The following DAXX variants were observed in gnomAD, a reference collection of about 807,000 sequenced individuals.
DAXX encodes the protein death domain-associated protein 6.
A neutral mutation model predicts 61.9 loss-of-function variants in DAXX; 24 were observed. The ratio of observed to expected loss-of-function variants is 0.39; its 90% confidence interval spans 0.28 to 0.55. The LOEUF (loss-of-function observed/expected upper bound fraction) is 0.55, where lower values mean the gene tolerates loss of function less well. DAXX is among the 20% of genes least tolerant of loss of function. DAXX has a pLI of 0.69. For missense variants in DAXX, 819 were observed against 935.3 expected, an observed-to-expected ratio of 0.88 and a Z score of 1.62; for synonymous variants, 357 against 369.5, an observed-to-expected ratio of 0.97 and a Z score of 0.39.
In DAXX at chr6:33,321,772, T is replaced by A. The variant is rs2150999504; in HGVS notation, c.154A>T (p.Ser52Cys). Reference sequence around the variant, plus strand: ...TTGTAGCATTTCTTGCCGCCCGAACTACTGCTTCCTCTGGCCCCATGAGGC... The same window carrying A: ...TTGTAGCATTTCTTGCCGCCCGAACAACTGCTTCCTCTGGCCCCATGAGGC... The part of the protein sequence containing the change: ...SEPHGARGSS[S>C]SGGKKCYKLE... Residue 52 changes from serine (S) to cysteine (C), a missense_variant, in exon 2 of 8, where the codon AGT becomes TGT. Coordinates refer to ENST00000374542, the MANE Select transcript of DAXX (RefSeq NM_001141969.2). This position sits in a 1 kb window ranked among gnomAD's most constrained non-coding sequence, Gnocchi z 7.2. 2 of 1,613,266 alleles carry A rather than the reference T, an allele frequency of 1.2e-6. No homozygotes were observed. Among genetic ancestry groups the A allele is most frequent in the African/African-American group, 2.7e-5 (2 of 75,022 alleles).
Position 33,320,799 on chromosome 6 carries a change from C to T in DAXX, c.976G>A (p.Glu326Lys). 6.2e-7 allele frequency: 1 copy of T among 1,614,194 alleles called. No individual in the cohort carries two copies. Among genetic ancestry groups the T allele is most frequent in the Non-Finnish European group, 8.5e-7 (1 of 1,180,044 alleles). The part of the protein sequence containing the change: ...AFRDVGIRLQ[E>K]RRHLDLIYNF... ...TAGATGAGATCGAGGTGACGTCGCT[C>T]CTGTAACCTGATGCCCACATCTCGG... Residue 326 changes from glutamate (E) to lysine (K), a missense_variant, in exon 3 of 8, where the codon GAG becomes AAG. Physicochemically the swap from Glu to Lys is moderately conservative, Grantham distance 56. Coordinates refer to ENST00000374542, the MANE Select transcript of DAXX (RefSeq NM_001141969.2). The surrounding 1 kb of genome is among the most constrained non-coding windows in gnomAD (Gnocchi z 7.1).
Position 33,321,769 on chromosome 6 carries a change from A to C in DAXX, c.157T>G (p.Ser53Ala). 2 of 1,613,458 alleles carry C rather than the reference A, an allele frequency of 1.2e-6. No individual in the cohort carries two copies. Among genetic ancestry groups the C allele is most frequent in the Non-Finnish European group, 1.7e-6 (2 of 1,179,810 alleles). ...AGCTTGTAGCATTTCTTGCCGCCCG[A>C]ACTACTGCTTCCTCTGGCCCCATGA... is the stretch of plus-strand genomic sequence containing the variant. ...EPHGARGSSSSGGKKCYKLEN... is the reference protein window; with the variant it reads ...EPHGARGSSSAGGKKCYKLEN... The change falls in exon 2 of 8, where the codon TCG becomes GCG. Residue 53 changes from serine (S) to alanine (A), a missense_variant. Transcript: ENST00000374542. The surrounding 1 kb of genome is among the most constrained non-coding windows in gnomAD (Gnocchi z 7.2).
intron 1 of DAXX, 95 bp downstream of exon 1, chr6:33,322,766 CA>C (rs1770787149): frequency 1.8e-6 from 1 of 542,392 alleles, no homozygotes; most frequent in South Asian, 1.7e-5. Flanking sequence ...GAAGGTACCA[CA>C]GCTTTCCCCT....
In DAXX at chr6:33,321,547, C is replaced by T. The variant is rs1770618397; in HGVS notation, c.228G>A (p.Met76Ile). ...CCACCTCAGGGTGGTCTGCTGTCTG[C>T]ATCTTACAAAGTTCAAGGAACTAGA... ...LFEEFLELCK[M>I]QTADHPEVVP... Residue 76 changes from methionine to isoleucine, a missense_variant, in exon 3 of 8, where the codon ATG (methionine) becomes ATA (isoleucine). Transcript: ENST00000374542. This position sits in a 1 kb window ranked among gnomAD's most constrained non-coding sequence, Gnocchi z 7.2. The T allele has an allele frequency of 6.2e-7, 1 of 1,612,434 alleles. No homozygotes were observed. The highest frequency in any genetic ancestry group is 8.5e-7 in the Non-Finnish European group (1 of 1,179,566).
In DAXX at chr6:33,321,967, C is replaced by T; in HGVS notation, c.-42G>A. ...CGGAGGGAGGAAGTGGTGGGGATTT[C>T]AGAATTCCTGCTGGAAGGGGATGGG... On this transcript the variant is annotated 5_prime_UTR_variant, in exon 2 of 8. Transcript: ENST00000374542. The surrounding 1 kb of genome is among the most constrained non-coding windows in gnomAD (Gnocchi z 7.2). The T allele has an allele frequency of 1.3e-5, 21 of 1,580,540 alleles. No homozygotes were observed. The highest frequency in any genetic ancestry group is 1.8e-5 in the Non-Finnish European group (21 of 1,162,782).
intron 1 of DAXX, 85 bp downstream of exon 1, chr6:33,322,777 T>C: frequency 3.7e-6 from 2 of 546,036 alleles, no homozygotes; most frequent in Non-Finnish European, 3.1e-6. Flanking sequence ...AGCTTTCCCC[T>C]CAGACTCAGC....
chr6:33,318,931 A>G, intron 7 of DAXX, 66 bp downstream of exon 7: 1 of 1,436,244 alleles, frequency 7.0e-7, no homozygotes. Context: ...ATATTCAGAC[A>G]GAGCAGCTGA....
Position 33,319,689 on chromosome 6 carries a change from T to C in DAXX, c.1631A>G (p.Asp544Gly), listed in dbSNP as rs555992054. 19 of 1,613,506 alleles carry C rather than the reference T, an allele frequency of 1.2e-5. No individual in the cohort carries two copies. The African/African-American group carries it at 2.3e-4, about 19-fold the overall frequency. ...AGGCTGTTCTCCATTGCTTTCAGCA[T>C]CTATGCTGGAGGGGGCCAGGGGTTC... The part of the protein sequence containing the change: ...SEEPLAPSSI[D>G]AESNGEQPEE... The change falls in exon 6 of 8, where the codon GAT becomes GGT. Residue 544 changes from aspartate (D) to glycine (G), a missense_variant. Coordinates refer to ENST00000374542, the MANE Select transcript of DAXX (RefSeq NM_001141969.2).
In DAXX at chr6:33,319,200, ACCTTTG is replaced by A; in HGVS notation, c.1954_1959del (p.Gln652_Arg653del). The A allele has an allele frequency of 2.5e-6, 4 of 1,602,590 alleles. No homozygotes were observed. The highest frequency in any genetic ancestry group is 3.4e-6 in the Non-Finnish European group (4 of 1,171,836). On this transcript the variant is annotated inframe_deletion, in exon 7 of 8. Coordinates refer to ENST00000374542, the MANE Select transcript of DAXX (RefSeq NM_001141969.2). ...TTTTTCCCATTCTTCTCATGCACTG[ACCTTTG>A]CCTTTCCACATAGCTAGAAACAGAA...
intron 1 of DAXX, 34 bp from the exon 2 acceptor site, chr6:33,322,011 C>T: frequency 1.4e-6 from 2 of 1,457,082 alleles, no homozygotes; most frequent in Non-Finnish European, 1.8e-6. Flanking sequence ...ATGAGCCCCT[C>T]CAGCATAGCC....
In DAXX at chr6:33,321,055, A is replaced by T; in HGVS notation, c.720T>A (p.Cys240Ter). Residue 240 changes from cysteine to a stop codon, truncating the protein, a stop_gained, in exon 3 of 8, where the codon TGT becomes TGA. Coordinates refer to ENST00000374542, the MANE Select transcript of DAXX (RefSeq NM_001141969.2). LOFTEE classifies it high-confidence loss of function. The surrounding 1 kb of genome is among the most constrained non-coding windows in gnomAD (Gnocchi z 7.2). The stretch of plus-strand genomic sequence containing the variant: ...TCAGTGAAGAGCAGTCTTTCAGCTC[A>T]CATAGTCGCCCAAAGAGGCGGATCA... ...RKLIRLFGRL[C>*]ELKDCSSLTG... 1 of 1,613,976 alleles carries T rather than the reference A, an allele frequency of 6.2e-7. No homozygotes were observed. Among genetic ancestry groups the T allele is most frequent in the Non-Finnish European group, 8.5e-7 (1 of 1,179,838 alleles).
In DAXX at chr6:33,321,583, G is replaced by A. The variant is rs1297057870; in HGVS notation, c.208-16C>T. On this transcript the variant is annotated splice_polypyrimidine_tract_variant and intron_variant, in intron 2 of 7. Transcript: ENST00000374542. This position sits in a 1 kb window ranked among gnomAD's most constrained non-coding sequence, Gnocchi z 7.2. ...GTTCAAGGAACTAGAAGGTTCAGGG[G>A]AAGAAGGAAGGGGAAGAGAGACAAG... is the stretch of plus-strand genomic sequence containing the variant. 3.7e-6 allele frequency: 6 copies of A among 1,607,932 alleles called. No individual in the cohort carries two copies. The South Asian group carries it at 4.4e-5, about 12-fold the overall frequency.
intron 1 of DAXX, chr6:33,322,617 G>A: frequency 3.2e-6 from 1 of 312,222 alleles, no homozygotes; most frequent in Non-Finnish European, 6.3e-6. Flanking sequence ...CTGATCAAAA[G>A]TCCCCCCGCA....
At chr6:33,318,907 A>T (rs1244764652) in intron 7 of DAXX, 90 bp downstream of exon 7, 6 of 1,320,362 alleles carry the variant, frequency 4.5e-6, no homozygotes, top group Non-Finnish European at 5.4e-6. Flanking sequence ...AAGAGACAGG[A>T]TGTGGCACGT....
chr6:33,320,312 C>A lies in DAXX; in HGVS notation c.1251+68G>T. The stretch of plus-strand genomic sequence containing the variant: ...CTTCTCATGCTCCCCCATCAGTCAA[C>A]CTGGACTCCCTGGTGGCCAGTGCAG... On this transcript the variant is annotated intron_variant, in intron 4 of 7. Transcript: ENST00000374542. This position sits in a 1 kb window ranked among gnomAD's most constrained non-coding sequence, Gnocchi z 7.1. 1 of 1,431,926 alleles carries A rather than the reference C, an allele frequency of 7.0e-7. No homozygotes were observed. Among genetic ancestry groups the A allele is most frequent in the Non-Finnish European group, 9.9e-7 (1 of 1,013,722 alleles). The allele number at this position is 1,431,926 out of a possible 1,614,324, so 88.7% of individuals were successfully genotyped here.
rs34281918 is a variant in DAXX at position 33,318,611 on chromosome 6, C to CTTTT, written c.*128_*131dup. ...TTAATGTTTCTGTGTAAAACTTAAG[C>CTTTT]TTTTTTTTTTTTTTAAAGAAACACC... On this transcript the variant is annotated 3_prime_UTR_variant, in exon 8 of 8. Transcript: ENST00000374542. 2.0e-5 allele frequency: 8 copies of CTTTT among 403,260 alleles called. No homozygotes were observed. Among genetic ancestry groups the CTTTT allele is most frequent in the East Asian group, 1.1e-4 (3 of 27,478 alleles). 25.0% of individuals were successfully genotyped at this position (403,260 alleles called of 1,614,324 possible). A position where few individuals can be genotyped will look rare whatever the true frequency, so the allele number is the denominator to read the frequency against.
Position 33,321,688 on chromosome 6 carries a change from G to A in DAXX, c.207+31C>T. 2 of 1,609,744 alleles carry A rather than the reference G, an allele frequency of 1.2e-6. No homozygotes were observed. Among genetic ancestry groups the A allele is most frequent in the Admixed American group, 1.7e-5 (1 of 59,970 alleles). On this transcript the variant is annotated intron_variant, in intron 2 of 7. Coordinates refer to ENST00000374542, the MANE Select transcript of DAXX (RefSeq NM_001141969.2). The surrounding 1 kb of genome is among the most constrained non-coding windows in gnomAD (Gnocchi z 7.2). ...AACCAGTCAGCCATCCCCCTCCCTG[G>A]GGTACAACAATCTTCCCCGCTAAAG... is the stretch of plus-strand genomic sequence containing the variant.
At chr6:33,322,828 C>T in intron 1 of DAXX, 34 bp downstream of exon 1, 1 of 1,140,964 alleles carries the variant, frequency 8.8e-7, no homozygotes, top group Non-Finnish European at 1.3e-6. Context: ...TATCCCCGCC[C>T]CCGCCTCTGA....
chr6:33,318,987 C>T lies in DAXX; in HGVS notation c.2163+10G>A. ...AAATTGTCAGAGGAAACACGCCCTC[C>T]CCTTCTTACCTTGCAAGTACCAGGC... On this transcript the variant is annotated intron_variant, in intron 7 of 7. Transcript: ENST00000374542. 1 of 1,606,626 alleles carries T rather than the reference C, an allele frequency of 6.2e-7. No homozygotes were observed. Among genetic ancestry groups the T allele is most frequent in the Admixed American group, 1.7e-5 (1 of 59,928 alleles).
Sources: allele counts gnomAD v4.1 joint callset, GRCh38; gene constraint gnomAD v4.1.1; non-coding constraint Gnocchi (gnomAD v3.1); transcripts MANE v1.5; gene names NCBI Gene and HGNC (gene_info 2026-07-23, HGNC 2026-07-21).